The following PRKCSH variants were observed in gnomAD, a reference collection of about 807,000 sequenced individuals.
The protein encoded by PRKCSH is PRKCSH beta subunit of glucosidase II.
PRKCSH carries 42 observed loss-of-function variants against 79.7 expected under a neutral mutation model. The ratio of observed to expected loss-of-function variants is 0.53; its 90% CI spans 0.41 to 0.68. The LOEUF (loss-of-function observed/expected upper bound fraction) is 0.68, where lower values mean the gene tolerates loss of function less well. PRKCSH is among the 30% of genes least tolerant of loss of function. The pLI is 0.00. For missense variants in PRKCSH, 686 were observed against 709.0 expected, an observed-to-expected ratio of 0.97 and a Z score of 0.37; for synonymous variants, 325 against 288.2, an observed-to-expected ratio of 1.13 and a Z score of -1.29.
In PRKCSH at chr19:11,440,314, AT is replaced by A. The variant is rs35882202; in HGVS notation, c.351-915del. ...AGGCACCTGCCGCTACACCTGGCTA[AT>A]TTTTTTTTTTGTATTTTTAGTAGAG... On this transcript the variant is annotated intron_variant, in intron 5 of 17. Coordinates refer to ENST00000677123, the MANE Select transcript of PRKCSH (RefSeq NM_001289104.2). 7.6e-3 allele frequency among the ~76,000 whole-genome samples: 1,101 copies of A among 144,884 alleles called. 12 individuals carry two copies. The highest frequency in any genetic ancestry group is 0.016 in the South Asian group (72 of 4,588).
At chr19:11,444,029 C>T (rs1406860939) in intron 7 of PRKCSH, among the ~76,000 whole-genome samples, 1 of 152,180 alleles carries the variant, frequency 6.6e-6, no homozygotes, top group Non-Finnish European at 1.5e-5. Context: ...GCTTTGGCCT[C>T]CCAACGTGTT....
chr19:11,443,502 C>G (rs1258332777), intron 7 of PRKCSH, among the ~76,000 whole-genome samples: 1 of 150,834 alleles, frequency 6.6e-6, no homozygotes, highest in Non-Finnish European at 1.5e-5. Context: ...GCTGAGATTG[C>G]GCCCCTATAT....
At chr19:11,446,875 C>T (rs1970329686) in intron 9 of PRKCSH, among the ~76,000 whole-genome samples, 199 bp from the exon 10 acceptor site, 1 of 152,156 alleles carries the variant, frequency 6.6e-6, no homozygotes, top group Non-Finnish European at 1.5e-5. Flanking sequence ...ACCACTCCAG[C>T]CCCTGGTCTC....
rs147846003 is a variant in PRKCSH, at chr19:11,437,066, T to C, written c.196+561T>C. 5.5e-3 allele frequency among the ~76,000 whole-genome samples: 828 copies of C among 151,644 alleles called. 9 individuals carry two copies. The highest frequency in any genetic ancestry group is 0.013 in the South Asian group (62 of 4,808). On this transcript the variant is annotated intron_variant, in intron 3 of 17. Coordinates refer to ENST00000677123, the MANE Select transcript of PRKCSH (RefSeq NM_001289104.2). Reference sequence around the variant, plus strand: ...TTGTTTTTGTTTTGAGACGGAGTCTTGCTCTGTTTCCCAGGCTGGAGTGCA... The same window carrying C: ...TTGTTTTTGTTTTGAGACGGAGTCTCGCTCTGTTTCCCAGGCTGGAGTGCA...
chr19:11,438,325 A>T (rs185363852), intron 5 of PRKCSH, among the ~76,000 whole-genome samples: 1 of 152,166 alleles, frequency 6.6e-6, no homozygotes, highest in East Asian at 1.9e-4. Flanking sequence ...AGATGGGGGA[A>T]CTCAAGTTTA....
Position 11,445,488 on chromosome 19 carries a change from G to A in PRKCSH, c.683+15G>A. 1 of 1,612,952 alleles carries A rather than the reference G, an allele frequency of 6.2e-7. No homozygotes were observed. The highest frequency in any genetic ancestry group is 1.1e-5 in the South Asian group (1 of 91,032). On this transcript the variant is annotated intron_variant, in intron 8 of 17. Transcript: ENST00000677123. ...ATGGACGGGACGTGAGTGTCCCCTA[G>A]TTGGAGCTGCCCACCTTTCCGTGGG... is the stretch of plus-strand genomic sequence containing the variant.
chr19:11,438,454 G>A (rs953852269), intron 5 of PRKCSH, among the ~76,000 whole-genome samples: 1 of 152,132 alleles, frequency 6.6e-6, no homozygotes, highest in African/African-American at 2.4e-5. Context: ...CCACAGGCAG[G>A]TAAAGTATAC....
In PRKCSH at chr19:11,436,130, C is replaced by G; in HGVS notation, c.13C>G (p.Leu5Val). MLLP[L>V]LLLLPMCWAV... ...AGCGTCTGGTGAGATGCTGTTGCCG[C>G]TGCTGCTGCTGCTACCCATGTGCTG... The change falls in exon 2 of 18, where the codon CTG becomes GTG. Residue 5 changes from leucine to valine, a missense_variant. By Grantham distance (32) the Leu-to-Val change is conservative (BLOSUM62 1). Coordinates refer to ENST00000677123, the MANE Select transcript of PRKCSH (RefSeq NM_001289104.2). 1 of 1,605,622 alleles carries G rather than the reference C, an allele frequency of 6.2e-7. No homozygotes were observed. Among genetic ancestry groups the G allele is most frequent in the Non-Finnish European group, 8.5e-7 (1 of 1,178,332 alleles).
At chr19:11,438,882 A>G (rs1378295666) in intron 5 of PRKCSH, among the ~76,000 whole-genome samples, 2 of 151,578 alleles carry the variant, frequency 1.3e-5, no homozygotes, top group African/African-American at 4.8e-5. Flanking sequence ...ATCCTTTTGT[A>G]GTTCATAGGC....
chr19:11,443,512 T>G (rs905146164), intron 7 of PRKCSH, among the ~76,000 whole-genome samples: 6 of 150,766 alleles, frequency 4.0e-5, no homozygotes, highest in Non-Finnish European at 7.4e-5. Flanking sequence ...CGCCCCTATA[T>G]TCCAGCCTGG....
chr19:11,435,972 G>A, intron 1 of PRKCSH, 69 bp from the exon 2 acceptor site: 1 of 1,177,030 alleles, frequency 8.5e-7, no homozygotes, highest in South Asian at 1.2e-5. Flanking sequence ...TTGCCTGGAA[G>A]CGATGGAGGA....
chr19:11,443,618 G>C (rs1970164943), intron 7 of PRKCSH, among the ~76,000 whole-genome samples: 1 of 152,058 alleles, frequency 6.6e-6, no homozygotes. Context: ...GCTGAGGCAG[G>C]AGAATCGCTG....
In PRKCSH at chr19:11,441,235, C is replaced by T. The variant is rs76485217; in HGVS notation, c.351-5C>T. 8.9e-3 allele frequency: 14,406 copies of T among 1,612,404 alleles called. 86 individuals carry two copies. Among genetic ancestry groups the T allele is most frequent in the Non-Finnish European group, 0.011 (13,230 of 1,178,530 alleles). ...TGGTGGTGCCTGTGTGTCTCCGCAC[C>T]GCAGAGAGAAGGGCCGTAAGGAGAG... On this transcript the variant is annotated splice_region_variant and splice_polypyrimidine_tract_variant and intron_variant, in intron 5 of 17. Transcript: ENST00000677123.
chr19:11,444,157 G>A (rs539928143), intron 7 of PRKCSH, among the ~76,000 whole-genome samples: 1 of 152,354 alleles, frequency 6.6e-6, no homozygotes, highest in Non-Finnish European at 1.5e-5. Context: ...CACATTGCAT[G>A]TAGAAAGGGA....
Position 11,438,116 on chromosome 19 carries a change from C to T in PRKCSH, c.342C>T (p.Asn114=). The T allele has an allele frequency of 6.2e-7, 1 of 1,614,114 alleles. No homozygotes were observed. Among genetic ancestry groups the T allele is most frequent in the Non-Finnish European group, 8.5e-7 (1 of 1,180,010 alleles). The change falls in exon 5 of 18, where the codon AAC becomes AAT. Residue 114 remains asparagine (N), a synonymous_variant. Coordinates refer to ENST00000677123, the MANE Select transcript of PRKCSH (RefSeq NM_001289104.2). ...DEYNSGVICE[N]TCKEKGRKER... The stretch of plus-strand genomic sequence containing the variant: ...ACAACAGCGGCGTCATCTGTGAGAA[C>T]ACCTGCAAGTACGTGGGTGACAGTA...
chr19:11,447,251 G>C lies in PRKCSH; in HGVS notation c.849+91G>C. 2 of 1,467,248 alleles carry C rather than the reference G, an allele frequency of 1.4e-6. No individual in the cohort carries two copies. The highest frequency in any genetic ancestry group is 1.9e-6 in the Non-Finnish European group (2 of 1,064,518). 90.9% of individuals were successfully genotyped at this position (1,467,248 alleles called of 1,614,324 possible). ...GGAGCTGCCTCTGGTTCTGGCACCT[G>C]GCCACCCTGGCCAGCTGGGTGGCCC... On this transcript the variant is annotated intron_variant, in intron 10 of 17. Transcript: ENST00000677123. This position sits in a 1 kb window ranked among gnomAD's most constrained non-coding sequence, Gnocchi z 5.6.
chr19:11,445,926 C>T, intron 8 of PRKCSH: 1 of 369,174 alleles, frequency 2.7e-6, no homozygotes, highest in East Asian at 4.5e-5. Context: ...ACCGAATGGG[C>T]AAGGGTGGGG....
chr19:11,448,854 G>A lies in PRKCSH; in HGVS notation c.1287-60G>A. 1 of 1,592,498 alleles carries A rather than the reference G, an allele frequency of 6.3e-7. No individual in the cohort carries two copies. Among genetic ancestry groups the A allele is most frequent in the Non-Finnish European group, 8.6e-7 (1 of 1,160,732 alleles). On this transcript the variant is annotated intron_variant, in intron 14 of 17. Transcript: ENST00000677123. This position sits in a 1 kb window ranked among gnomAD's most constrained non-coding sequence, Gnocchi z 4.4. ...GGACTGGAGGAGGCGGTGGGGGGTG[G>A]CTGTGGGAGGAGGCTGGAATCCCTG...
intron 2 of PRKCSH, 89 bp downstream of exon 2, chr19:11,436,285 T>A (rs1396523003): frequency 6.3e-7 from 1 of 1,587,960 alleles, no homozygotes; most frequent in African/African-American, 1.3e-5. Context: ...GCCTTTTGAC[T>A]CAGTTTCCCG....
Sources: allele counts gnomAD v4.1 joint callset (sites outside exome capture counted in the v4.1 genomes callset), GRCh38; gene constraint gnomAD v4.1.1; non-coding constraint Gnocchi (gnomAD v3.1); transcripts MANE v1.5; gene names NCBI Gene and HGNC (gene_info 2026-07-23, HGNC 2026-07-21).